CADPS2: variants seen among roughly 807,000 people sequenced by gnomAD.
CADPS2 encodes the protein calcium dependent secretion activator 2, also known as calcium-dependent secretion activator 2.
In CADPS2, 93 loss-of-function variants were observed where a neutral mutation model predicts 172.5. The observed-to-expected ratio is 0.54, with a 90% CI of 0.46 to 0.64. CADPS2 has a LOEUF of 0.64. Among genes scored for constraint, CADPS2 ranks in the 30% least tolerant of loss-of-function variants. The pLI is 0.00. For missense variants in CADPS2, 1,420 were observed against 1,565.9 expected (o/e 0.91, Z 1.57); for synonymous variants, 546 against 555.2 (o/e 0.98, Z 0.23).
chr7:122,625,760 T>C (rs907585732), intron 4 of CADPS2, among the ~76,000 whole-genome samples: 2 of 151,806 alleles, frequency 1.3e-5, no homozygotes, highest in African/African-American at 4.9e-5. Flanking sequence ...AATCAATCTC[T>C]CTCTCTCTCT....
chr7:122,790,707 A>G (rs1208269811), intron 1 of CADPS2, among the ~76,000 whole-genome samples: 8 of 152,188 alleles, frequency 5.3e-5, no homozygotes, highest in Non-Finnish European at 1.0e-4. Flanking sequence ...TCTTCAAATT[A>G]TAGCTCATGA....
intron 28 of CADPS2, among the ~76,000 whole-genome samples, chr7:122,342,309 G>A (rs2036905816): frequency 6.6e-6 from 1 of 152,064 alleles, no homozygotes; most frequent in Non-Finnish European, 1.5e-5. Flanking sequence ...AAAAACAATG[G>A]GCACGAATCT....
At chr7:122,559,787 A>C (rs2065503206) in intron 7 of CADPS2, among the ~76,000 whole-genome samples, 1 of 132,776 alleles carries the variant, frequency 7.5e-6, no homozygotes, top group Non-Finnish European at 1.7e-5. Context: ...AAAAAAAAAA[A>C]AAAAAGGAAA....
intron 28 of CADPS2, among the ~76,000 whole-genome samples, chr7:122,343,990 C>T (rs542362961): frequency 2.0e-5 from 3 of 152,194 alleles, no homozygotes; most frequent in African/African-American, 7.2e-5. Flanking sequence ...TAACACTTAG[C>T]TTATTAAAAC....
chr7:122,669,940 T>A (rs2081616320), intron 2 of CADPS2, among the ~76,000 whole-genome samples: 1 of 151,754 alleles, frequency 6.6e-6, no homozygotes, highest in Admixed American at 6.6e-5. Flanking sequence ...GGCCTGGAAA[T>A]CATTCCTGAC....
At chr7:122,611,445 T>A (rs374127914) in intron 6 of CADPS2, among the ~76,000 whole-genome samples, 3 of 152,160 alleles carry the variant, frequency 2.0e-5, no homozygotes, top group East Asian at 3.9e-4. Context: ...ATTAGAGAAC[T>A]TGGATGAATT....
At chr7:122,782,587 G>A (rs1192835415) in intron 1 of CADPS2, among the ~76,000 whole-genome samples, 1 of 151,944 alleles carries the variant, frequency 6.6e-6, no homozygotes, top group Non-Finnish European at 1.5e-5. Context: ...CTCCACCCTG[G>A]GTGACAGAGT....
At chr7:122,589,982 T>A (rs1024471585) in intron 6 of CADPS2, among the ~76,000 whole-genome samples, 5 of 151,890 alleles carry the variant, frequency 3.3e-5, no homozygotes, top group African/African-American at 1.2e-4. Flanking sequence ...TGCAATCACG[T>A]ATACAGAACT....
intron 25 of CADPS2, among the ~76,000 whole-genome samples, chr7:122,368,551 C>T (rs2041287880): frequency 6.6e-6 from 1 of 152,138 alleles, no homozygotes; most frequent in Non-Finnish European, 1.5e-5. Flanking sequence ...ATGAGGCCAC[C>T]CAGGTAGGGC....
chr7:122,679,005 C>G (rs2082680519), intron 2 of CADPS2, among the ~76,000 whole-genome samples: 1 of 152,106 alleles, frequency 6.6e-6, no homozygotes, highest in African/African-American at 2.4e-5. Context: ...GCCCAGGACC[C>G]TGTAATGACT....
intron 3 of CADPS2, among the ~76,000 whole-genome samples, chr7:122,642,175 G>C (rs1019514751): frequency 2.6e-5 from 4 of 151,410 alleles, no homozygotes; most frequent in Non-Finnish European, 5.9e-5. Context: ...AGCTACTCCA[G>C]AGACTGAGGC....
intron 8 of CADPS2, among the ~76,000 whole-genome samples, chr7:122,554,232 G>T (rs73433750): frequency 0.028 from 4,219 of 152,102 alleles, 72 homozygotes; most frequent in South Asian, 0.054. Context: ...AACTATTATT[G>T]TAATTTGAAG....
chr7:122,610,323 TAA>T (rs11459230), intron 6 of CADPS2, among the ~76,000 whole-genome samples: 2 of 150,204 alleles, frequency 1.3e-5, no homozygotes, highest in Non-Finnish European at 1.5e-5. Context: ...TTACTATTTG[TAA>T]AAAAAAAGTG....
rs2087886249 is a variant in CADPS2 at position 122,708,021 on chromosome 7, G to T, written c.453+28934C>A. 3.3e-5 allele frequency among the ~76,000 whole-genome samples: 5 copies of T among 151,822 alleles called. No individual in the cohort carries two copies. In the South Asian group the frequency reaches 1.0e-3, roughly 31 times the overall value. ...TGATGCTGTAAGGTACACATATATA[G>T]TAAAATGGTTGCTATAATGGAACAA... On this transcript the variant is annotated intron_variant, in intron 2 of 29. Transcript: ENST00000449022.
intron 12 of CADPS2, among the ~76,000 whole-genome samples, chr7:122,477,882 G>C (rs1399952556): frequency 6.6e-6 from 1 of 152,042 alleles, no homozygotes. Flanking sequence ...CTCTAGACTT[G>C]TTCATCCTAC....
intron 8 of CADPS2, among the ~76,000 whole-genome samples, chr7:122,527,617 A>ATAGAGTGTGT (rs1554597292): frequency 1.2e-5 from 1 of 83,806 alleles, no homozygotes; most frequent in African/African-American, 4.1e-5. Context: ...AGAGAGAGAG[A>ATAGAGTGTGT]GTGTGTGTGT....
intron 1 of CADPS2, among the ~76,000 whole-genome samples, chr7:122,828,981 T>C (rs1389163582): frequency 1.3e-5 from 2 of 152,234 alleles, no homozygotes; most frequent in African/African-American, 4.8e-5. Flanking sequence ...TGGTTATCTC[T>C]TATACCATCT....
At chr7:122,417,110 C>G (rs1346149337) in intron 17 of CADPS2, among the ~76,000 whole-genome samples, 1 of 152,054 alleles carries the variant, frequency 6.6e-6, no homozygotes, top group Non-Finnish European at 1.5e-5. Context: ...CAATAGTTTT[C>G]CCTTGATTTA....
rs538831329 is a variant in CADPS2 at position 122,822,666 on chromosome 7, C to A, written c.339+63333G>T. On this transcript the variant is annotated intron_variant, in intron 1 of 29. Coordinates refer to ENST00000449022, the MANE Select transcript of CADPS2 (RefSeq NM_017954.11). ...AAAGAAGTGAATATGCCCTGCCCCA[C>A]CTTAACTGATGACATTCCACCACAA... 3.3e-5 allele frequency among the ~76,000 whole-genome samples: 5 copies of A among 150,766 alleles called. No individual in the cohort carries two copies. The South Asian group carries it at 1.1e-3, about 32-fold the overall frequency.
Sources: gnomAD v4.1 joint callset for allele counts (sites outside exome capture counted in the v4.1 genomes callset) on GRCh38, gnomAD v4.1.1 for gene constraint, MANE v1.5 for transcripts, NCBI Gene and HGNC (gene_info 2026-07-23, HGNC 2026-07-21) for gene names.